Variants in CLEC1A observed in about 807,000 individuals in gnomAD.
CLEC1A encodes the protein C-type lectin domain family 1 member A.
CLEC1A carries 34 observed loss-of-function variants against 28.7 expected under a neutral mutation model. The observed-to-expected ratio is 1.18, with a 90% CI of 0.90 to 1.57. CLEC1A has a LOEUF of 1.57. CLEC1A is among the 40% of genes most tolerant of loss of function. The pLI is 0.00. For missense variants in CLEC1A, 385 were observed against 339.5 expected (o/e 1.13, Z -1.05); for synonymous variants, 116 against 121.0 (o/e 0.96, Z 0.27).
chr12:10,086,923 A>G (rs1270928945), intron 2 of CLEC1A, among the ~76,000 whole-genome samples: 2 of 152,136 alleles, frequency 1.3e-5, no homozygotes. Flanking sequence ...TAGCTAACTG[A>G]GGCCTGGCAC....
chr12:10,080,707 A>G (rs551786320), intron 3 of CLEC1A, among the ~76,000 whole-genome samples: 17 of 152,252 alleles, frequency 1.1e-4, no homozygotes, highest in Non-Finnish European at 2.5e-4. Context: ...CTTCTCCAGC[A>G]GTAATTTTAT....
At chr12:10,088,019 ATATTGAG>A (rs1409557296) in intron 2 of CLEC1A, among the ~76,000 whole-genome samples, 1 of 152,154 alleles carries the variant, frequency 6.6e-6, no homozygotes, top group East Asian at 1.9e-4. Flanking sequence ...GTTGATCATT[ATATTGAG>A]TATTGACAAT....
At chr12:10,078,947 T>C (rs558222197) in intron 3 of CLEC1A, among the ~76,000 whole-genome samples, 17 of 152,160 alleles carry the variant, frequency 1.1e-4, no homozygotes, top group Non-Finnish European at 2.5e-4. Context: ...CTTTCCCCCA[T>C]GTGTGGAAGC....
At chr12:10,086,277 C>G (rs1272480516) in intron 2 of CLEC1A, among the ~76,000 whole-genome samples, 1 of 147,868 alleles carries the variant, frequency 6.8e-6, no homozygotes, top group African/African-American at 2.5e-5. Flanking sequence ...CACAGCTCAA[C>G]AAATTGGAGA....
intron 2 of CLEC1A, among the ~76,000 whole-genome samples, chr12:10,088,829 G>C (rs534546785): frequency 3.3e-5 from 5 of 152,160 alleles, no homozygotes; most frequent in African/African-American, 1.2e-4. Context: ...ATGGGAGAGG[G>C]CTGAAGCATG....
chr12:10,089,954 G>A (rs1866578387), intron 1 of CLEC1A, among the ~76,000 whole-genome samples: 1 of 152,132 alleles, frequency 6.6e-6, no homozygotes, highest in Non-Finnish European at 1.5e-5. Context: ...ATTCCCATAA[G>A]TTTGACTAGT....
At chr12:10,092,018 T>C (rs1164550950) in intron 1 of CLEC1A, among the ~76,000 whole-genome samples, 2 of 69,786 alleles carry the variant, frequency 2.9e-5, no homozygotes, top group African/African-American at 6.2e-5. Context: ...AATAGGTCCA[T>C]TATATACAAA....
At chr12:10,075,465 T>C (rs753891837) in intron 4 of CLEC1A, 39 bp downstream of exon 4, 9 of 1,605,384 alleles carry the variant, frequency 5.6e-6, no homozygotes, top group Admixed American at 1.7e-5. Context: ...AGGCCTCTTT[T>C]TGAAATCCTT....
intron 2 of CLEC1A, among the ~76,000 whole-genome samples, chr12:10,086,773 T>C (rs901340640): frequency 3.9e-5 from 6 of 152,088 alleles, no homozygotes; most frequent in Non-Finnish European, 7.4e-5. Context: ...TTCCCAAAAA[T>C]AGAGAAAGAG....
chr12:10,089,877 T>A (rs1196286011), intron 1 of CLEC1A, among the ~76,000 whole-genome samples: 1 of 152,192 alleles, frequency 6.6e-6, no homozygotes, highest in Non-Finnish European at 1.5e-5. Flanking sequence ...GAAAGATGAA[T>A]CTAAACTATT....
intron 1 of CLEC1A, among the ~76,000 whole-genome samples, chr12:10,091,733 C>A (rs1947705304): frequency 6.6e-6 from 1 of 151,744 alleles, no homozygotes; most frequent in South Asian, 2.1e-4. Flanking sequence ...TTGTAAACTT[C>A]CATACAGTCC....
chr12:10,088,269 G>T (rs899716439), intron 2 of CLEC1A, among the ~76,000 whole-genome samples: 4 of 152,032 alleles, frequency 2.6e-5, no homozygotes, highest in African/African-American at 9.7e-5. Context: ...CAAAACAATA[G>T]TTCTATCACA....
intron 3 of CLEC1A, among the ~76,000 whole-genome samples, chr12:10,078,624 T>G (rs1866302102): frequency 6.6e-6 from 1 of 152,242 alleles, no homozygotes; most frequent in Non-Finnish European, 1.5e-5. Flanking sequence ...ATCATTACTG[T>G]ATACCTGGGA....
chr12:10,091,697 T>G (rs551131965), intron 1 of CLEC1A, among the ~76,000 whole-genome samples: 13 of 152,094 alleles, frequency 8.5e-5, no homozygotes, highest in Non-Finnish European at 1.3e-4. Context: ...TAGTTTGGGT[T>G]AATCATCCTC....
chr12:10,097,979 T>A (rs959288023), intron 1 of CLEC1A, among the ~76,000 whole-genome samples: 1 of 141,972 alleles, frequency 7.0e-6, no homozygotes, highest in Admixed American at 7.0e-5. Flanking sequence ...TAGAAATAAA[T>A]AGAAAGTGAA....
At chr12:10,071,796 C>T (rs1340724342) in intron 5 of CLEC1A, among the ~76,000 whole-genome samples, 1 of 152,188 alleles carries the variant, frequency 6.6e-6, no homozygotes, top group Non-Finnish European at 1.5e-5. Context: ...AAGTTCTCTA[C>T]CTTCTCTGTA....
chr12:10,085,196 AACACACACACACACACACACACACACAC>A (rs144572464), intron 2 of CLEC1A, among the ~76,000 whole-genome samples: 4 of 129,074 alleles, frequency 3.1e-5, no homozygotes, highest in Non-Finnish European at 6.6e-5. Context: ...ATAAGACAAT[AACACACACACACACACACACACACACAC>A]ACACACACAC....
chr12:10,089,690 G>T (rs903072933), intron 1 of CLEC1A, among the ~76,000 whole-genome samples: 1 of 151,868 alleles, frequency 6.6e-6, no homozygotes, highest in Non-Finnish European at 1.5e-5. Flanking sequence ...CCCAAGTTCC[G>T]TATATGCTTT....
chr12:10,093,805 T>C (rs980153104), intron 1 of CLEC1A, among the ~76,000 whole-genome samples: 5 of 152,278 alleles, frequency 3.3e-5, no homozygotes, highest in African/African-American at 4.8e-5. Context: ...AAGCACTTTT[T>C]CATCCCTTTG....
Sources: gnomAD v4.1 joint callset for allele counts (sites outside exome capture counted in the v4.1 genomes callset) on GRCh38, gnomAD v4.1.1 for gene constraint, MANE v1.5 for transcripts, NCBI Gene and HGNC (gene_info 2026-07-23, HGNC 2026-07-21) for gene names.